Variants in ST13 observed in about 807,000 individuals in gnomAD.
ST13 encodes ST13 Hsp70 interacting protein.
A neutral mutation model predicts 56.7 loss-of-function variants in ST13; 23 were observed. The ratio of observed to expected loss-of-function variants is 0.41; its 90% CI spans 0.29 to 0.57. The LOEUF is 0.57. Ranked by LOEUF, ST13 falls within the 20% of genes least tolerant of loss-of-function variation. The pLI is 0.36. For synonymous variants in ST13, 132 were observed against 142.4 expected (o/e 0.93, Z 0.52); for missense variants, 369 against 459.9 (o/e 0.80, Z 1.81).
intron 10 of ST13, among the ~76,000 whole-genome samples, chr22:40,827,854 AGC>A (rs2145730540): frequency 6.6e-6 from 1 of 152,212 alleles, no homozygotes; most frequent in African/African-American, 2.4e-5. Context: ...TCGCCTTAAA[AGC>A]AAAGAGTCAT....
intron 5 of ST13, among the ~76,000 whole-genome samples, chr22:40,839,145 A>C (rs2057790902): frequency 6.6e-6 from 1 of 152,312 alleles, no homozygotes; most frequent in South Asian, 2.1e-4. Context: ...CAGGAAGGTA[A>C]ACTATTAAGG....
chr22:40,830,717 C>T (rs1568998894), intron 9 of ST13, 123 bp downstream of exon 9: 2 of 522,652 alleles, frequency 3.8e-6, no homozygotes, highest in East Asian at 3.0e-5. Flanking sequence ...TAAGTAATAT[C>T]ATTACTCTAT....
chr22:40,835,494 A>C, intron 7 of ST13, 66 bp downstream of exon 7: 1 of 1,400,054 alleles, frequency 7.1e-7, no homozygotes. Flanking sequence ...TTGTTTAAAC[A>C]AAGCATCTTA....
At chr22:40,855,626 G>C (rs537396744) in intron 1 of ST13, among the ~76,000 whole-genome samples, 4 of 151,860 alleles carry the variant, frequency 2.6e-5, no homozygotes, top group Non-Finnish European at 4.4e-5. Context: ...TTTCTCTTCG[G>C]TGCTCCTTCA....
At chr22:40,845,487 A>C (rs1195863227) in intron 3 of ST13, among the ~76,000 whole-genome samples, 1 of 152,144 alleles carries the variant, frequency 6.6e-6, no homozygotes, top group Non-Finnish European at 1.5e-5. Flanking sequence ...CATTTTTAAA[A>C]GTAGCATGGA....
Position 40,848,357 on chromosome 22 carries a change from C to G in ST13, c.181G>C (p.Asp61His). ...AAGTCTTCCTCCACCTTCTTACTAT[C>G]AGGTTTTTCTTCCTAGCAAAGGGAA... ...SEENTKEEKP[D>H]SKKVEEDLKA... Residue 61 changes from aspartate to histidine, a missense_variant, in exon 3 of 12, where the codon GAT becomes CAT. Asp to His is a moderately conservative substitution (Grantham distance 81, BLOSUM62 -1). This residue lies in a region of ST13 where 169 missense variants were observed against 175.6 expected (regional missense o/e 0.96). Coordinates refer to ENST00000216218, the MANE Select transcript of ST13 (RefSeq NM_003932.5). The G allele has an allele frequency of 1.2e-6, 2 of 1,611,990 alleles. No homozygotes were observed. The highest frequency in any genetic ancestry group is 1.7e-4 in the Middle Eastern group (1 of 6,008).
At chr22:40,848,817 C>T (rs1288883920) in intron 2 of ST13, among the ~76,000 whole-genome samples, 1 of 152,208 alleles carries the variant, frequency 6.6e-6, no homozygotes, top group Non-Finnish European at 1.5e-5. Context: ...TAAATAGCCT[C>T]ATGTCCACTC....
At chr22:40,851,839 G>C (rs923216726) in intron 1 of ST13, among the ~76,000 whole-genome samples, 2 of 151,528 alleles carry the variant, frequency 1.3e-5, no homozygotes, top group Non-Finnish European at 2.9e-5. Flanking sequence ...TCCACCTCCT[G>C]GGTTCAAGCG....
intron 10 of ST13, among the ~76,000 whole-genome samples, chr22:40,827,897 A>G (rs543902527): frequency 3.7e-4 from 56 of 152,284 alleles, no homozygotes; most frequent in African/African-American, 1.3e-3. Flanking sequence ...TATAAATTGT[A>G]TAATTATCTT....
chr22:40,849,747 A>T (rs931734178), intron 2 of ST13, among the ~76,000 whole-genome samples: 3 of 151,828 alleles, frequency 2.0e-5, no homozygotes, highest in African/African-American at 7.3e-5. Context: ...TGGTCCTTTT[A>T]AAAAAAAGGT....
intron 10 of ST13, 90 bp from the exon 11 acceptor site, chr22:40,827,319 G>A (rs1478648083): frequency 1.5e-6 from 2 of 1,373,598 alleles, no homozygotes; most frequent in African/African-American, 2.8e-5. Context: ...CAAAGAATAT[G>A]GGTGCCACTA....
chr22:40,844,537 T>C lies in ST13; in HGVS notation c.315+302A>G, dbSNP rs572793044. On this transcript the variant is annotated intron_variant, in intron 4 of 11. Coordinates refer to ENST00000216218, the MANE Select transcript of ST13 (RefSeq NM_003932.5). ...ATGACAAACCATTCTGTAATACAAT[T>C]TGGCATTAGATATTCCATCAAGAGC... Among the ~76,000 whole-genome samples, 4 of 152,308 alleles carry C rather than the reference T, an allele frequency of 2.6e-5. No homozygotes were observed. The South Asian group carries it at 6.2e-4, about 24-fold the overall frequency.
At chr22:40,846,003 C>A (rs1435790771) in intron 3 of ST13, among the ~76,000 whole-genome samples, 1 of 152,154 alleles carries the variant, frequency 6.6e-6, no homozygotes, top group Non-Finnish European at 1.5e-5. Flanking sequence ...GTGGCGCAAT[C>A]TTGGCTCACC....
chr22:40,830,879 T>G lies in ST13; in HGVS notation c.759A>C (p.Arg253=), dbSNP rs140307778. The change falls in exon 9 of 12, where the codon CGA becomes CGC. Residue 253 remains arginine, a synonymous_variant. Transcript: ENST00000216218. The part of the protein sequence containing the change: ...EEREIKERIE[R]VKKAREEHER... ...CATGCTCTTCTCGAGCCTTCTTAAC[T>G]CGTTCTATTCTTTCTTTGATCTCTC... 2 of 1,608,080 alleles carry G rather than the reference T, an allele frequency of 1.2e-6. No individual in the cohort carries two copies. Among genetic ancestry groups the G allele is most frequent in the East Asian group, 2.2e-5 (1 of 44,856 alleles).
At chr22:40,827,265 C>T (rs763066726) in intron 10 of ST13, 36 bp from the exon 11 acceptor site, 2 of 1,607,240 alleles carry the variant, frequency 1.2e-6, no homozygotes, top group Admixed American at 1.7e-5. Flanking sequence ...AATCATACTC[C>T]CAAATATTCT....
chr22:40,832,293 A>G (rs943631194), intron 8 of ST13: 5 of 504,472 alleles, frequency 9.9e-6, no homozygotes, highest in Admixed American at 5.0e-5. Flanking sequence ...TCCTTGTTGT[A>G]AACCTGATAC....
At chr22:40,840,556 T>C (rs1215447895) in intron 5 of ST13, 70 bp downstream of exon 5, 2 of 1,376,296 alleles carry the variant, frequency 1.5e-6, no homozygotes, top group Non-Finnish European at 2.1e-6. Context: ...TCTCTTCTAC[T>C]TTACCACTAT....
At chr22:40,839,053 T>C (rs1241811780) in intron 5 of ST13, among the ~76,000 whole-genome samples, 1 of 152,020 alleles carries the variant, frequency 6.6e-6, no homozygotes, top group Non-Finnish European at 1.5e-5. Context: ...TAATCACAGG[T>C]TACAAGCAAG....
chr22:40,824,761 A>AG lies in ST13; in HGVS notation c.*1776dup, dbSNP rs1238813250. 6.6e-6 allele frequency: 1 copy of AG among 152,252 alleles called. No homozygotes were observed. Among genetic ancestry groups the AG allele is most frequent in the African/African-American group, 2.4e-5 (1 of 41,470 alleles). 9.4% of individuals were successfully genotyped at this position (152,252 alleles called of 1,614,324 possible). On this transcript the variant is annotated 3_prime_UTR_variant, in exon 12 of 12. Coordinates refer to ENST00000216218, the MANE Select transcript of ST13 (RefSeq NM_003932.5). ...AAGGAGAACTCTACACATTAACAAAAGAACACACAAGCTCAAATGCAAGTT... is the reference window on the plus strand; with the variant it reads ...AAGGAGAACTCTACACATTAACAAAAGGAACACACAAGCTCAAATGCAAGTT...
Sources: allele counts gnomAD v4.1 joint callset (sites outside exome capture counted in the v4.1 genomes callset), GRCh38; gene constraint gnomAD v4.1.1; regional missense constraint gnomAD v4.1.1; transcripts MANE v1.5; gene names NCBI Gene and HGNC (gene_info 2026-07-23, HGNC 2026-07-21).